The following PELI1 variants were observed in gnomAD, a reference collection of about 807,000 sequenced individuals.
PELI1 encodes the protein E3 ubiquitin-protein ligase pellino homolog 1.
PELI1 carries 15 observed loss-of-function variants against 41.3 expected under a neutral mutation model. The ratio of observed to expected loss-of-function variants is 0.36; its 90% CI spans 0.24 to 0.56. The LOEUF (loss-of-function observed/expected upper bound fraction) is 0.56, where lower values mean the gene tolerates loss of function less well. PELI1 is among the 20% of genes least tolerant of loss of function. The probability of loss-of-function intolerance (pLI) is 0.82; values close to 1 mark genes in which losing one functional copy is unlikely to be tolerated. For missense variants in PELI1, 403 were observed against 525.5 expected, an observed-to-expected ratio of 0.77 and a Z score of 2.28; for synonymous variants, 178 against 180.1, an observed-to-expected ratio of 0.99 and a Z score of 0.09.
At chr2:64,142,634 A>G (rs1391804726) in intron 1 of PELI1, among the ~76,000 whole-genome samples, 2 of 152,216 alleles carry the variant, frequency 1.3e-5, no homozygotes, top group East Asian at 3.8e-4. Flanking sequence ...GTACACTAAG[A>G]ACAATGTTTT....
intron 3 of PELI1, among the ~76,000 whole-genome samples, chr2:64,103,595 CTG>C (rs1186881705): frequency 6.6e-6 from 1 of 152,206 alleles, no homozygotes; most frequent in African/African-American, 2.4e-5. Context: ...CAAAAAGAAA[CTG>C]TCCCTTTTCT....
chr2:64,112,629 C>G (rs1680841122), intron 1 of PELI1, among the ~76,000 whole-genome samples: 1 of 152,180 alleles, frequency 6.6e-6, no homozygotes. Flanking sequence ...GTTTCAATCA[C>G]AGGAACACAT....
At chr2:64,104,172 T>G (rs1018018054) in intron 3 of PELI1, among the ~76,000 whole-genome samples, 2 of 152,254 alleles carry the variant, frequency 1.3e-5, no homozygotes, top group African/African-American at 4.8e-5. Flanking sequence ...ATTATTGAGG[T>G]CTACTTTGTG....
At chr2:64,143,850 G>A (rs1414929491) in intron 1 of PELI1, among the ~76,000 whole-genome samples, 1 of 151,774 alleles carries the variant, frequency 6.6e-6, no homozygotes, top group Non-Finnish European at 1.5e-5. Flanking sequence ...CCCGGGCGGA[G>A]GGGGAGGCCG....
At chr2:64,115,067 AGAAT>A (rs748773566) in intron 1 of PELI1, among the ~76,000 whole-genome samples, 17 of 152,240 alleles carry the variant, frequency 1.1e-4, no homozygotes, top group Non-Finnish European at 2.1e-4. Flanking sequence ...GTATTTTACT[AGAAT>A]TGATAGGGGC....
chr2:64,121,174 A>G (rs970141699), intron 1 of PELI1, among the ~76,000 whole-genome samples: 1 of 152,192 alleles, frequency 6.6e-6, no homozygotes, highest in African/African-American at 2.4e-5. Flanking sequence ...ACCTGCAAAA[A>G]TGATCGGGGC....
At chr2:64,121,131 C>A (rs1282688037) in intron 1 of PELI1, among the ~76,000 whole-genome samples, 1 of 152,202 alleles carries the variant, frequency 6.6e-6, no homozygotes, top group Non-Finnish European at 1.5e-5. Context: ...CTGCTTATAT[C>A]CAATGTTGAT....
intron 1 of PELI1, among the ~76,000 whole-genome samples, chr2:64,109,702 A>C (rs1175248727): frequency 6.6e-6 from 1 of 152,150 alleles, no homozygotes; most frequent in Non-Finnish European, 1.5e-5. Flanking sequence ...AGAAACAAAA[A>C]CAAAAACAAT....
chr2:64,110,646 T>C (rs987143760), intron 1 of PELI1, among the ~76,000 whole-genome samples: 6 of 152,170 alleles, frequency 3.9e-5, no homozygotes, highest in African/African-American at 1.2e-4. Flanking sequence ...TATAATACAG[T>C]TAGATGTAGT....
At chr2:64,123,796 T>C (rs975578140) in intron 1 of PELI1, among the ~76,000 whole-genome samples, 2 of 152,172 alleles carry the variant, frequency 1.3e-5, no homozygotes, top group African/African-American at 4.8e-5. Flanking sequence ...CCTAGGTATA[T>C]ACCCAGGAGA....
chr2:64,118,839 T>C (rs1450605284), intron 1 of PELI1, among the ~76,000 whole-genome samples: 1 of 152,216 alleles, frequency 6.6e-6, no homozygotes, highest in Non-Finnish European at 1.5e-5. Flanking sequence ...GCTGAAAAAC[T>C]ATGCTTCTGA....
At chr2:64,132,367 G>A (rs185389133) in intron 1 of PELI1, among the ~76,000 whole-genome samples, 2 of 152,080 alleles carry the variant, frequency 1.3e-5, no homozygotes, top group Non-Finnish European at 2.9e-5. Context: ...AATATTCCAC[G>A]ATCTGAAAAA....
In PELI1 at chr2:64,101,346, A is replaced by G. The variant is rs143908402; in HGVS notation, c.202-847T>C. On this transcript the variant is annotated intron_variant, in intron 3 of 6. Transcript: ENST00000358912. ...AAAAAATTTAAAAAAAAAAAACAAA[A>G]GAAACATTCATAGAATGATTAAACA... 4.3e-3 allele frequency among the ~76,000 whole-genome samples: 647 copies of G among 152,126 alleles called. 8 individuals are homozygous for G. The highest frequency in any genetic ancestry group is 0.014 in the African/African-American group (601 of 41,568).
intron 1 of PELI1, among the ~76,000 whole-genome samples, chr2:64,115,746 G>A (rs1263536879): frequency 1.3e-5 from 2 of 152,148 alleles, no homozygotes; most frequent in African/African-American, 4.8e-5. Context: ...CCCTAGACAA[G>A]GTAGAATGGG....
chr2:64,132,479 G>A (rs76949312), intron 1 of PELI1, among the ~76,000 whole-genome samples: 3,218 of 152,260 alleles, frequency 0.021, 33 homozygotes, highest in East Asian at 0.03. Context: ...AGTAAACTGA[G>A]TCAACTGTCC....
chr2:64,122,144 T>C (rs1159597401), intron 1 of PELI1, among the ~76,000 whole-genome samples: 1 of 151,740 alleles, frequency 6.6e-6, no homozygotes, highest in African/African-American at 2.4e-5. Flanking sequence ...AAACCTGAAG[T>C]AGTGTTCTTG....
At chr2:64,106,551 TC>T (rs1471435974) in intron 2 of PELI1, among the ~76,000 whole-genome samples, 2 of 152,252 alleles carry the variant, frequency 1.3e-5, no homozygotes, top group Non-Finnish European at 2.9e-5. Context: ...GATTTGAAGT[TC>T]TAATACTGTA....
chr2:64,108,991 A>G (rs1055299210), intron 1 of PELI1, among the ~76,000 whole-genome samples: 4 of 152,226 alleles, frequency 2.6e-5, no homozygotes, highest in African/African-American at 7.2e-5. Context: ...CTAAGTGAGG[A>G]GCCTTGACTT....
intron 1 of PELI1, among the ~76,000 whole-genome samples, chr2:64,131,611 ATC>A (rs1235292994): frequency 1.3e-5 from 2 of 151,398 alleles, no homozygotes; most frequent in Admixed American, 6.6e-5. Context: ...TGAAATAGTA[ATC>A]TCTCTCTTTT....
Sources: allele counts gnomAD v4.1 joint callset (sites outside exome capture counted in the v4.1 genomes callset), GRCh38; gene constraint gnomAD v4.1.1; transcripts MANE v1.5; gene names NCBI Gene and HGNC (gene_info 2026-07-23, HGNC 2026-07-21).